The following COL12A1 variants were observed in gnomAD, a reference collection of about 807,000 sequenced individuals.
COL12A1 encodes collagen type XII alpha 1 chain, also known as collagen alpha-1(XII) chain.
Under a neutral mutation model 349.7 loss-of-function variants are expected in COL12A1, and 114 were observed. The ratio of observed to expected loss-of-function variants is 0.33; its 90% CI spans 0.28 to 0.38. COL12A1 has a LOEUF of 0.38. Ranked by LOEUF, COL12A1 falls within the 10% of genes least tolerant of loss-of-function variation. The pLI, the probability that COL12A1 is intolerant of heterozygous loss-of-function variation, is 1.00. For missense variants in COL12A1, 3,284 were observed against 3,756.9 expected (o/e 0.87, Z 3.29); for synonymous variants, 1,369 against 1,329.0 (o/e 1.03, Z -0.66).
intron 13 of COL12A1, among the ~76,000 whole-genome samples, chr6:75,166,193 C>T (rs1768298192): frequency 6.6e-6 from 1 of 152,148 alleles, no homozygotes. Flanking sequence ...TTACCATGAT[C>T]TTTTCCTCTC....
intron 38 of COL12A1, among the ~76,000 whole-genome samples, chr6:75,127,731 T>A (rs1196926712): frequency 6.6e-6 from 1 of 152,128 alleles, no homozygotes; most frequent in Non-Finnish European, 1.5e-5. Context: ...AGCAACCACA[T>A]TAGAGAATTT....
At chr6:75,180,211 G>T (rs993210766) in intron 11 of COL12A1, among the ~76,000 whole-genome samples, 4 of 152,286 alleles carry the variant, frequency 2.6e-5, no homozygotes, top group Non-Finnish European at 5.9e-5. Flanking sequence ...GCTACGACAT[G>T]GATCAACCTT....
intron 2 of COL12A1, among the ~76,000 whole-genome samples, chr6:75,200,819 C>A (rs1427305151): frequency 1.3e-5 from 2 of 151,906 alleles, no homozygotes; most frequent in African/African-American, 4.8e-5. Context: ...ATTTGTGGCT[C>A]ATACCATATT....
At chr6:75,143,974 T>A (rs915797095) in intron 25 of COL12A1, among the ~76,000 whole-genome samples, 2 of 152,180 alleles carry the variant, frequency 1.3e-5, no homozygotes, top group Non-Finnish European at 2.9e-5. Context: ...GAGGAGATTT[T>A]CTCCTGTAAT....
intron 64 of COL12A1, 22 bp from the exon 65 acceptor site, chr6:75,087,769 T>A (rs564552134): frequency 1.0e-5 from 16 of 1,600,814 alleles, no homozygotes; most frequent in Middle Eastern, 1.7e-4. Flanking sequence ...TTAAAACAAA[T>A]ATATTTCCCC....
In COL12A1 at chr6:75,128,277, G is replaced by A. The variant is rs1244591730; in HGVS notation, c.6340+19C>T. On this transcript the variant is annotated intron_variant, in intron 38 of 65. Transcript: ENST00000322507. ...ACAATTTCAAAGCAAAAATAAAAGG[G>A]GGAGTACAAAACACTTACCAGTTCT... 3.2e-6 allele frequency: 5 copies of A among 1,556,922 alleles called. No homozygotes were observed. The East Asian group carries it at 9.3e-5, about 29-fold the overall frequency.
chr6:75,124,327 C>G lies in COL12A1; in HGVS notation c.6652G>C (p.Asp2218His), dbSNP rs374545461. ...TDLKTYQIGW[D>H]TFCVKWSPHR... ...GGTGACCATTTGACACAGAATGTAT[C>G]CCACCCAATCTGGTAAGTTTTCAGA... is the stretch of plus-strand genomic sequence containing the variant. Residue 2218 changes from aspartate (D) to histidine (H), a missense_variant, in exon 41 of 66, where the codon GAT (aspartate) becomes CAT (histidine). Asp to His is a moderately conservative substitution (Grantham distance 81). This residue lies in a region of COL12A1 where 2,601 missense variants were observed against 2,824.8 expected (regional missense o/e 0.92). Transcript: ENST00000322507. The G allele has an allele frequency of 3.4e-5, 55 of 1,613,070 alleles. No individual in the cohort carries two copies. The highest frequency in any genetic ancestry group is 4.4e-5 in the Non-Finnish European group (52 of 1,179,562).
At chr6:75,181,767 C>T (rs115702778) in intron 10 of COL12A1, among the ~76,000 whole-genome samples, 1,962 of 151,448 alleles carry the variant, frequency 0.013, 38 homozygotes, top group African/African-American at 0.045. Flanking sequence ...AATAGAGAAA[C>T]GAGAGAATGC....
At chr6:75,159,488 T>C (rs949954109) in intron 14 of COL12A1, among the ~76,000 whole-genome samples, 4 of 148,766 alleles carry the variant, frequency 2.7e-5, no homozygotes, top group Admixed American at 6.7e-5. Flanking sequence ...ACAAAAAATC[T>C]AAAGACTTTT....
rs754277446 is a variant in COL12A1, at chr6:75,142,125, T to C, written c.4864A>G (p.Lys1622Glu). The C allele has an allele frequency of 9.9e-6, 16 of 1,614,122 alleles. No individual in the cohort carries two copies. Among genetic ancestry groups the C allele is most frequent in the Middle Eastern group, 3.3e-4 (2 of 6,058 alleles). Residue 1622 changes from lysine to glutamate, a missense_variant, in exon 27 of 66, where the codon AAA (lysine) becomes GAA (glutamate). Physicochemically the swap from Lys to Glu is moderately conservative, Grantham distance 56. Around this residue, in one of 2 missense-constraint regions of COL12A1, gnomAD observed 2,601 missense variants for 2,824.8 expected, o/e 0.92. Coordinates refer to ENST00000322507, the MANE Select transcript of COL12A1 (RefSeq NM_004370.6). ...TACAAGGTCTGTGAGAAGAGGTCTT[T>C]GAGGGAAGTGCTGGTCTCTGATCTG... is the stretch of plus-strand genomic sequence containing the variant. ...VDRSETSTSL[K>E]DLFSQTLYTV...
chr6:75,091,216 G>A (rs1238410964), intron 62 of COL12A1, 107 bp downstream of exon 62: 1 of 867,498 alleles, frequency 1.2e-6, no homozygotes, highest in East Asian at 2.5e-5. Context: ...CTTATCAAAT[G>A]AAATGAAAGA....
At chr6:75,155,497 C>G (rs915255021) in intron 16 of COL12A1, among the ~76,000 whole-genome samples, 165 bp downstream of exon 16, 1 of 152,132 alleles carries the variant, frequency 6.6e-6, no homozygotes, top group African/African-American at 2.4e-5. Context: ...AACTTCAACT[C>G]CAGCAGCACC....
chr6:75,184,840 T>G (rs1455484840), intron 8 of COL12A1, among the ~76,000 whole-genome samples: 1 of 152,216 alleles, frequency 6.6e-6, no homozygotes, highest in African/African-American at 2.4e-5. Flanking sequence ...TAAAGTATTT[T>G]AAGATATTTC....
intron 27 of COL12A1, among the ~76,000 whole-genome samples, chr6:75,141,465 G>A (rs240738): frequency 0.27 from 41,778 of 152,008 alleles, 5,713 homozygotes; most frequent in Middle Eastern, 0.3. Flanking sequence ...CAGGCTGCCC[G>A]GTATCCCCCA....
intron 60 of COL12A1, among the ~76,000 whole-genome samples, chr6:75,092,114 C>G (rs1168067481): frequency 6.6e-6 from 1 of 152,124 alleles, no homozygotes; most frequent in Non-Finnish European, 1.5e-5. Context: ...AAACCTAACA[C>G]TGCATGTTCT....
Position 75,145,424 on chromosome 6 carries a change from T to G in COL12A1, c.4592A>C (p.Gln1531Pro). 6.2e-7 allele frequency: 1 copy of G among 1,614,052 alleles called. No individual in the cohort carries two copies. The highest frequency in any genetic ancestry group is 8.5e-7 in the Non-Finnish European group (1 of 1,179,938). ...CGTGTTGGGAACAAGGTCAGTCAGC[T>G]GCATGTCATTCACTGTTGGCCCCAA... The part of the protein sequence containing the change: ...VRLGPTVNDM[Q>P]LTDLVPNTEY... The change falls in exon 25 of 66, where the codon CAG (glutamine) becomes CCG (proline). Residue 1531 changes from glutamine to proline, a missense_variant. Around this residue, in one of 2 missense-constraint regions of COL12A1, gnomAD observed 2,601 missense variants for 2,824.8 expected, o/e 0.92. Coordinates refer to ENST00000322507, the MANE Select transcript of COL12A1 (RefSeq NM_004370.6).
chr6:75,175,495 G>A (rs1361377447), intron 12 of COL12A1, among the ~76,000 whole-genome samples, 185 bp from the exon 13 acceptor site: 1 of 152,210 alleles, frequency 6.6e-6, no homozygotes, highest in Admixed American at 6.5e-5. Flanking sequence ...CTATATGTTA[G>A]TAGAAACAAG....
At chr6:75,105,326 T>A in intron 53 of COL12A1, 34 bp from the exon 54 acceptor site, 1 of 1,569,138 alleles carries the variant, frequency 6.4e-7, no homozygotes, top group Non-Finnish European at 8.7e-7. Flanking sequence ...ACCTTTAAAT[T>A]TAGAGGAAAA....
At chr6:75,194,009 C>T (rs1398943612) in intron 3 of COL12A1, among the ~76,000 whole-genome samples, 2 of 152,082 alleles carry the variant, frequency 1.3e-5, no homozygotes, top group Non-Finnish European at 2.9e-5. Flanking sequence ...CAAGTCTTTG[C>T]TATTGTGAAT....
Sources: allele counts gnomAD v4.1 joint callset (sites outside exome capture counted in the v4.1 genomes callset), GRCh38; gene constraint gnomAD v4.1.1; regional missense constraint gnomAD v4.1.1; transcripts MANE v1.5; gene names NCBI Gene and HGNC (gene_info 2026-07-23, HGNC 2026-07-21).